The following KCNQ5 variants were observed in gnomAD, a reference collection of about 807,000 sequenced individuals.
KCNQ5 encodes potassium voltage-gated channel subfamily Q member 5.
In KCNQ5, 30 loss-of-function variants were observed where a neutral mutation model predicts 98.2. The observed-to-expected ratio is 0.31, with a 90% CI of 0.23 to 0.41. KCNQ5 has a LOEUF of 0.41. Ranked by LOEUF, KCNQ5 falls within the 10% of genes least tolerant of loss-of-function variation. The probability of loss-of-function intolerance (pLI) is 1.00; values close to 1 mark genes in which losing one functional copy is unlikely to be tolerated. For synonymous variants in KCNQ5, 458 were observed against 449.4 expected, an observed-to-expected ratio of 1.02 and a Z score of -0.24; for missense variants, 835 against 1,182.5, an observed-to-expected ratio of 0.71 and a Z score of 4.31.
intron 10 of KCNQ5, among the ~76,000 whole-genome samples, chr6:73,140,089 G>A (rs1776642387): frequency 1.3e-5 from 2 of 151,980 alleles, no homozygotes; most frequent in Non-Finnish European, 2.9e-5. Flanking sequence ...TGACAAAAAG[G>A]CAGCATTTTA....
chr6:72,821,332 C>A (rs1345539911), intron 1 of KCNQ5, among the ~76,000 whole-genome samples: 1 of 152,182 alleles, frequency 6.6e-6, no homozygotes, highest in Non-Finnish European at 1.5e-5. Flanking sequence ...TACAAGAGAT[C>A]CATCCTGAGT....
chr6:72,710,524 G>C (rs1769313180), intron 1 of KCNQ5, among the ~76,000 whole-genome samples: 1 of 152,164 alleles, frequency 6.6e-6, no homozygotes, highest in Non-Finnish European at 1.5e-5. Context: ...GAAATAAAAA[G>C]AGAAGAGGGG....
chr6:73,016,252 AG>A (rs1187071695), intron 2 of KCNQ5, among the ~76,000 whole-genome samples: 2 of 152,110 alleles, frequency 1.3e-5, no homozygotes, highest in African/African-American at 4.8e-5. Context: ...ATTAGGGAAA[AG>A]AAAATGCCAG....
chr6:73,051,724 A>C (rs1007913021), intron 3 of KCNQ5, among the ~76,000 whole-genome samples: 18 of 150,464 alleles, frequency 1.2e-4, no homozygotes, highest in South Asian at 2.1e-4. Flanking sequence ...AAAAAAAAAA[A>C]AAAAAAAAAA....
chr6:73,048,058 C>T (rs1582254619), intron 3 of KCNQ5, among the ~76,000 whole-genome samples: 1 of 152,186 alleles, frequency 6.6e-6, no homozygotes, highest in Admixed American at 6.5e-5. Context: ...ACCAAATGGG[C>T]AAGGTCTTCC....
intron 6 of KCNQ5, among the ~76,000 whole-genome samples, chr6:73,108,139 T>C (rs1005299194): frequency 1.3e-5 from 2 of 152,130 alleles, no homozygotes; most frequent in African/African-American, 2.4e-5. Flanking sequence ...AGAAGGGCCA[T>C]CCTGCACATC....
intron 1 of KCNQ5, among the ~76,000 whole-genome samples, chr6:72,629,190 A>T (rs193086854): frequency 4.5e-4 from 68 of 152,334 alleles, no homozygotes; most frequent in African/African-American, 1.6e-3. Context: ...TCTATGTGTC[A>T]GACTCAATTA....
chr6:72,908,217 C>G lies in KCNQ5; in HGVS notation c.399-95691C>G, dbSNP rs75307996. On this transcript the variant is annotated intron_variant, in intron 1 of 13. Coordinates refer to ENST00000370398, the MANE Select transcript of KCNQ5 (RefSeq NM_019842.4). ...TTACCATAGGTGGAGAGAGGGAGAA[C>G]ATGGGGAGATGTACACCAAAGGATA... 3.5e-3 allele frequency among the ~76,000 whole-genome samples: 527 copies of G among 151,978 alleles called. 3 individuals carry two copies. Among genetic ancestry groups the G allele is most frequent in the African/African-American group, 0.012 (513 of 41,484 alleles).
intron 1 of KCNQ5, among the ~76,000 whole-genome samples, chr6:72,643,506 T>G (rs1293596340): frequency 6.6e-6 from 1 of 152,122 alleles, no homozygotes; most frequent in Non-Finnish European, 1.5e-5. Context: ...TCCAAAAGTC[T>G]GAAATCCAAA....
chr6:73,049,569 G>T (rs924097053), intron 3 of KCNQ5, among the ~76,000 whole-genome samples: 3 of 152,112 alleles, frequency 2.0e-5, no homozygotes, highest in Admixed American at 2.0e-4. Flanking sequence ...TTTAATTATA[G>T]TATAATCCGT....
chr6:73,066,060 C>T (rs986148743), intron 3 of KCNQ5, among the ~76,000 whole-genome samples: 2 of 152,128 alleles, frequency 1.3e-5, no homozygotes, highest in Admixed American at 6.5e-5. Context: ...GCAGGAAAAT[C>T]GCTTGAACCC....
intron 1 of KCNQ5, among the ~76,000 whole-genome samples, chr6:72,716,007 T>A (rs1769629262): frequency 6.6e-6 from 1 of 152,154 alleles, no homozygotes; most frequent in Admixed American, 6.5e-5. Context: ...TATTATAGAG[T>A]TCCTCTTCCA....
intron 1 of KCNQ5, among the ~76,000 whole-genome samples, chr6:72,962,549 G>A (rs1767427015): frequency 6.6e-6 from 1 of 152,084 alleles, no homozygotes; most frequent in Non-Finnish European, 1.5e-5. Flanking sequence ...AGAGAGAGAA[G>A]CCATGTCTGG....
At chr6:72,676,450 C>T (rs944661052) in intron 1 of KCNQ5, among the ~76,000 whole-genome samples, 3 of 152,076 alleles carry the variant, frequency 2.0e-5, no homozygotes, top group South Asian at 4.1e-4. Flanking sequence ...AAGATGTTTC[C>T]GTTGTATGGT....
At chr6:72,940,768 G>T (rs957851200) in intron 1 of KCNQ5, among the ~76,000 whole-genome samples, 1 of 152,164 alleles carries the variant, frequency 6.6e-6, no homozygotes, top group Non-Finnish European at 1.5e-5. Flanking sequence ...GCTTCTGCAC[G>T]TACTAGCTCT....
At chr6:73,077,123 G>A (rs1465362552) in intron 3 of KCNQ5, among the ~76,000 whole-genome samples, 199 bp from the exon 4 acceptor site, 1 of 152,176 alleles carries the variant, frequency 6.6e-6, no homozygotes, top group Non-Finnish European at 1.5e-5. Flanking sequence ...ACAGCAATAG[G>A]TAGGTCCCAT....
At chr6:72,784,082 C>T (rs1165813339) in intron 1 of KCNQ5, among the ~76,000 whole-genome samples, 1 of 152,160 alleles carries the variant, frequency 6.6e-6, no homozygotes, top group Non-Finnish European at 1.5e-5. Flanking sequence ...GCTCTATTAC[C>T]TCTGGTGGCA....
intron 11 of KCNQ5, among the ~76,000 whole-genome samples, chr6:73,171,840 T>C (rs1341566136): frequency 6.6e-6 from 1 of 152,214 alleles, no homozygotes; most frequent in Non-Finnish European, 1.5e-5. Flanking sequence ...GAAAATCTTA[T>C]CTAGTGAGAG....
intron 1 of KCNQ5, among the ~76,000 whole-genome samples, chr6:72,661,189 A>G (rs139415369): frequency 6.6e-6 from 1 of 152,076 alleles, no homozygotes; most frequent in East Asian, 1.9e-4. Flanking sequence ...TTTAATACTT[A>G]TTTTCTTAGA....
Sources: allele counts gnomAD v4.1 joint callset (sites outside exome capture counted in the v4.1 genomes callset), GRCh38; gene constraint gnomAD v4.1.1; transcripts MANE v1.5; gene names NCBI Gene and HGNC (gene_info 2026-07-23, HGNC 2026-07-21).